The following GALNT17 variants were observed in gnomAD, a reference collection of about 807,000 sequenced individuals.
GALNT17 encodes the protein polypeptide N-acetylgalactosaminyltransferase 17.
A neutral mutation model predicts 63.7 loss-of-function variants in GALNT17; 29 were observed. The observed-to-expected ratio is 0.46, with a 90% CI of 0.34 to 0.62. The LOEUF (loss-of-function observed/expected upper bound fraction) is 0.62. Ranked by LOEUF, GALNT17 falls within the 20% of genes least tolerant of loss-of-function variation. The pLI is 0.01. For missense variants in GALNT17, 603 were observed against 799.6 expected, an observed-to-expected ratio of 0.75 and a Z score of 2.97; for synonymous variants, 305 against 318.3, an observed-to-expected ratio of 0.96 and a Z score of 0.45.
At chr7:71,503,388 A>T (rs1320020678) in intron 5 of GALNT17, among the ~76,000 whole-genome samples, 1 of 152,082 alleles carries the variant, frequency 6.6e-6, no homozygotes, top group Admixed American at 6.6e-5. Context: ...CTACAGGCAC[A>T]CACCACCATG....
In GALNT17 at chr7:71,282,707, G is replaced by A. The variant is rs146883100; in HGVS notation, c.239-52843G>A. Reference sequence around the variant, plus strand: ...TCCATCTCAAGGGAGGGCTGTGGGTGGGGGGATGTCTGCTTCTATGGGGAG... The same window carrying A: ...TCCATCTCAAGGGAGGGCTGTGGGTAGGGGGATGTCTGCTTCTATGGGGAG... On this transcript the variant is annotated intron_variant, in intron 1 of 10. Transcript: ENST00000333538. Among the ~76,000 whole-genome samples the A allele has an allele frequency of 4.6e-5, 7 of 152,076 alleles. No homozygotes were observed. In the East Asian group the frequency reaches 7.8e-4, roughly 17 times the overall value.
At chr7:71,336,101 A>G (rs1421697322) in intron 2 of GALNT17, among the ~76,000 whole-genome samples, 7 of 132,984 alleles carry the variant, frequency 5.3e-5, no homozygotes, top group East Asian at 2.4e-4. Context: ...CTGGAGCGCA[A>G]TGGTGCGATC....
intron 6 of GALNT17, among the ~76,000 whole-genome samples, chr7:71,587,020 CTTTTTTG>C (rs900768653): frequency 2.0e-5 from 3 of 151,982 alleles, no homozygotes; most frequent in African/African-American, 7.2e-5. Flanking sequence ...TCCTCTCTAC[CTTTTTTG>C]TTTTTTGTTT....
intron 4 of GALNT17, among the ~76,000 whole-genome samples, chr7:71,420,409 G>A (rs527974870): frequency 1.1e-4 from 16 of 152,208 alleles, no homozygotes; most frequent in African/African-American, 3.9e-4. Flanking sequence ...ACACAGAGAA[G>A]CTAGTGAAAT....
At chr7:71,307,885 A>G (rs1238585995) in intron 1 of GALNT17, 3 of 151,890 alleles carry the variant, frequency 2.0e-5, no homozygotes, top group Non-Finnish European at 4.4e-5. Flanking sequence ...GAGATTGTAA[A>G]GGTTACTTCA....
At chr7:71,450,677 C>CT (rs1322449337) in intron 5 of GALNT17, among the ~76,000 whole-genome samples, 1 of 152,152 alleles carries the variant, frequency 6.6e-6, no homozygotes, top group African/African-American at 2.4e-5. Context: ...CCCTCTAACT[C>CT]TCCCAGCCCC....
At chr7:71,407,297 A>G (rs558463518) in intron 3 of GALNT17, among the ~76,000 whole-genome samples, 74 of 152,312 alleles carry the variant, frequency 4.9e-4, no homozygotes, top group African/African-American at 1.6e-3. Flanking sequence ...CCCAGGGAGA[A>G]GGTGGCCTAG....
chr7:71,299,534 T>C (rs1235580579), intron 1 of GALNT17, among the ~76,000 whole-genome samples: 1 of 152,200 alleles, frequency 6.6e-6, no homozygotes, highest in East Asian at 1.9e-4. Context: ...GTCTCAGTTT[T>C]CAGTTTTCAT....
intron 1 of GALNT17, among the ~76,000 whole-genome samples, chr7:71,178,277 A>G (rs368902005): frequency 6.6e-6 from 1 of 152,026 alleles, no homozygotes; most frequent in Non-Finnish European, 1.5e-5. Flanking sequence ...GTTCATTATC[A>G]TTTGTATTAT....
chr7:71,391,840 G>A (rs1793057492), intron 3 of GALNT17, among the ~76,000 whole-genome samples: 1 of 152,114 alleles, frequency 6.6e-6, no homozygotes, highest in South Asian at 2.1e-4. Context: ...TCTGCAGAAT[G>A]TACAAGAACC....
intron 1 of GALNT17, among the ~76,000 whole-genome samples, chr7:71,217,483 G>A (rs1357618263): frequency 6.6e-6 from 1 of 151,816 alleles, no homozygotes; most frequent in Non-Finnish European, 1.5e-5. Flanking sequence ...CAATTAGGTT[G>A]CTTTTATCTA....
chr7:71,579,738 G>A (rs2116895858), intron 6 of GALNT17, among the ~76,000 whole-genome samples: 1 of 152,312 alleles, frequency 6.6e-6, no homozygotes, highest in East Asian at 1.9e-4. Context: ...CTTAGATGCA[G>A]CGACAACCAT....
intron 5 of GALNT17, among the ~76,000 whole-genome samples, chr7:71,499,198 GT>G (rs1788141462): frequency 6.6e-6 from 1 of 152,124 alleles, no homozygotes; most frequent in Non-Finnish European, 1.5e-5. Flanking sequence ...TTACCTGAAT[GT>G]TAATATTCTT....
intron 1 of GALNT17, among the ~76,000 whole-genome samples, chr7:71,145,705 T>A (rs537127918): frequency 6.6e-6 from 1 of 152,150 alleles, no homozygotes; most frequent in Admixed American, 6.5e-5. Context: ...GGTTTCTTAA[T>A]TTTTTTATTT....
At chr7:71,583,588 A>G (rs1789669938) in intron 6 of GALNT17, among the ~76,000 whole-genome samples, 1 of 152,198 alleles carries the variant, frequency 6.6e-6, no homozygotes, top group Non-Finnish European at 1.5e-5. Context: ...GAAAAAGGGG[A>G]AAAATTAAAC....
chr7:71,642,204 C>T (rs1002212353), intron 6 of GALNT17, among the ~76,000 whole-genome samples: 3 of 152,140 alleles, frequency 2.0e-5, no homozygotes, highest in African/African-American at 7.2e-5. Flanking sequence ...AGAATCCTTC[C>T]CTTACAGCAG....
At chr7:71,671,900 G>T (rs1022538926) in intron 8 of GALNT17, among the ~76,000 whole-genome samples, 2 of 151,906 alleles carry the variant, frequency 1.3e-5, no homozygotes, top group African/African-American at 4.8e-5. Flanking sequence ...CGTGGTGGCT[G>T]GTGCAGGTAA....
At chr7:71,262,448 A>T (rs1238744525) in intron 1 of GALNT17, among the ~76,000 whole-genome samples, 1 of 152,056 alleles carries the variant, frequency 6.6e-6, no homozygotes, top group African/African-American at 2.4e-5. Context: ...TGTCATTGGC[A>T]GGCAAATTGG....
At chr7:71,146,331 C>T (rs1788022876) in intron 1 of GALNT17, among the ~76,000 whole-genome samples, 1 of 152,174 alleles carries the variant, frequency 6.6e-6, no homozygotes, top group African/African-American at 2.4e-5. Context: ...CTCGGGTCCT[C>T]TCACTCCTTC....
Sources: allele counts gnomAD v4.1 joint callset (sites outside exome capture counted in the v4.1 genomes callset), GRCh38; gene constraint gnomAD v4.1.1; transcripts MANE v1.5; gene names NCBI Gene and HGNC (gene_info 2026-07-23, HGNC 2026-07-21).